Variants in ASTN2 observed in about 807,000 individuals in gnomAD.
ASTN2 encodes astrotactin 2, also known as astrotactin-2.
ASTN2 carries 54 observed loss-of-function variants against 139.8 expected under a neutral mutation model. That is an observed-to-expected ratio of 0.39 (90% confidence interval 0.31 to 0.48). The LOEUF (loss-of-function observed/expected upper bound fraction) is 0.48, where lower values mean the gene tolerates loss of function less well. Ranked by LOEUF, ASTN2 falls within the 20% of genes least tolerant of loss-of-function variation. The probability of loss-of-function intolerance (pLI) is 0.95; values close to 1 mark genes in which losing one functional copy is unlikely to be tolerated. For missense variants in ASTN2, 1,565 were observed against 1,725.1 expected (o/e 0.91, Z 1.64); for synonymous variants, 756 against 719.5 (o/e 1.05, Z -0.81).
rs556074225 is a variant in ASTN2 at position 116,874,851 on chromosome 9, T to A, written c.1890-11118A>T. 8.3e-4 allele frequency among the ~76,000 whole-genome samples: 126 copies of A among 152,328 alleles called. 1 individual carries two copies. Among genetic ancestry groups the A allele is most frequent in the South Asian group, 3.7e-3 (18 of 4,828 alleles). On this transcript the variant is annotated intron_variant, in intron 10 of 22. Transcript: ENST00000313400. ...TATCAGTGCCATTTTTCCAACAGAA[T>A]GTGCTCACTTCATGTCTATGCATCA... is the stretch of plus-strand genomic sequence containing the variant.
At chr9:116,697,490 G>GGTTT (rs1252747724) in intron 16 of ASTN2, 1 of 502,064 alleles carries the variant, frequency 2.0e-6, no homozygotes, top group Admixed American at 3.2e-5. Flanking sequence ...TGTTTTGTCT[G>GGTTT]GTTTGTTTCC....
At chr9:117,167,775 C>T (rs761910145) in intron 3 of ASTN2, among the ~76,000 whole-genome samples, 29 of 152,168 alleles carry the variant, frequency 1.9e-4, no homozygotes, top group Non-Finnish European at 3.2e-4. Flanking sequence ...TTCATGAATG[C>T]CATGCACTGC....
intron 11 of ASTN2, among the ~76,000 whole-genome samples, chr9:116,862,292 C>CT (rs537780924): frequency 6.6e-6 from 1 of 152,064 alleles, no homozygotes; most frequent in African/African-American, 2.4e-5. Flanking sequence ...CTTCTTCTTT[C>CT]TTTTTTCTTT....
At chr9:117,257,410 A>G (rs1004569482) in intron 2 of ASTN2, among the ~76,000 whole-genome samples, 2 of 152,202 alleles carry the variant, frequency 1.3e-5, no homozygotes, top group Non-Finnish European at 2.9e-5. Context: ...TTTTAGGTCA[A>G]TCTGGAGAGG....
intron 10 of ASTN2, among the ~76,000 whole-genome samples, chr9:116,870,135 AT>A (rs1260386448): frequency 3.7e-4 from 56 of 152,254 alleles, no homozygotes; most frequent in African/African-American, 1.3e-3. Context: ...CTCAAAAAAA[AT>A]AAAAAATAAA....
intron 17 of ASTN2, among the ~76,000 whole-genome samples, chr9:116,626,154 G>GT (rs751026997): frequency 0.052 from 1,775 of 34,464 alleles, 332 homozygotes; most frequent in Middle Eastern, 0.083. Flanking sequence ...TAGTTTTTGT[G>GT]TTTTTTTTTT....
Position 116,805,657 on chromosome 9 carries a change from C to T in ASTN2, c.2371G>A (p.Gly791Ser), listed in dbSNP as rs1166161787. The change falls in exon 13 of 23, where the codon GGC becomes AGC. Residue 791 changes from glycine to serine, a missense_variant. By Grantham distance (56) the Gly-to-Ser change is moderately conservative. Transcript: ENST00000313400. ...CTAAAGGTCATCTGGAAGACTTGGC[C>T]TTGGTTCACATGCTGGGTCCGGTTG... is the stretch of plus-strand genomic sequence containing the variant. ...YNNRTQHVNQ[G>S]QVFQMTFREN... 1 of 1,613,832 alleles carries T rather than the reference C, an allele frequency of 6.2e-7. No individual in the cohort carries two copies. The highest frequency in any genetic ancestry group is 1.7e-5 in the Admixed American group (1 of 60,010).
In ASTN2 at chr9:116,632,158, CAG is replaced by C. The variant is rs1203553131; in HGVS notation, c.3073-11717_3073-11716del. ...AGAGAGAGAGAGAGAGAGAGAGAGA[CAG>C]AGAGAGAGAGAGAGAGAGAGAGAGG... On this transcript the variant is annotated intron_variant, in intron 17 of 22. Coordinates refer to ENST00000313400, the MANE Select transcript of ASTN2 (RefSeq NM_001365068.1). 5.4e-3 allele frequency among the ~76,000 whole-genome samples: 204 copies of C among 38,038 alleles called. 2 individuals carry two copies. Among genetic ancestry groups the C allele is most frequent in the African/African-American group, 1.0e-2 (97 of 9,712 alleles). The allele number at this position is 38,038 out of a possible 152,430, so 25.0% of individuals were successfully genotyped here. A position where few individuals can be genotyped will look rare whatever the true frequency, so the allele number is the denominator to read the frequency against.
chr9:117,300,549 G>T (rs1032455536), intron 1 of ASTN2, among the ~76,000 whole-genome samples: 1 of 152,200 alleles, frequency 6.6e-6, no homozygotes, highest in African/African-American at 2.4e-5. Flanking sequence ...GGTACAGCTT[G>T]TTACAGGAAC....
At chr9:116,488,321 A>C (rs10983193) in intron 19 of ASTN2, among the ~76,000 whole-genome samples, 23,900 of 152,214 alleles carry the variant, frequency 0.16, 2,294 homozygotes, top group Middle Eastern at 0.24. Flanking sequence ...ATCTAGTCTT[A>C]GTTCTGTTGA....
chr9:117,176,367 G>A (rs1331072006), intron 3 of ASTN2, among the ~76,000 whole-genome samples: 3 of 152,122 alleles, frequency 2.0e-5, no homozygotes, highest in Non-Finnish European at 4.4e-5. Flanking sequence ...CAACCTTTGT[G>A]TAGTAAGAAA....
At chr9:116,600,343 A>G (rs1237540223) in intron 19 of ASTN2, among the ~76,000 whole-genome samples, 1 of 151,138 alleles carries the variant, frequency 6.6e-6, no homozygotes, top group Non-Finnish European at 1.5e-5. Flanking sequence ...AAAAAAAAAA[A>G]AAAAGAAAGA....
intron 20 of ASTN2, among the ~76,000 whole-genome samples, chr9:116,453,047 G>A (rs1848219952): frequency 6.6e-6 from 1 of 152,156 alleles, no homozygotes; most frequent in Non-Finnish European, 1.5e-5. Context: ...CATTAAGTTA[G>A]GGAACATTAT....
rs181242255 is a variant in ASTN2 at position 117,261,693 on chromosome 9, G to A, written c.630+29633C>T. Among the ~76,000 whole-genome samples the A allele has an allele frequency of 4.0e-4, 61 of 152,194 alleles. 1 individual carries two copies. The highest frequency in any genetic ancestry group is 1.5e-3 in the African/African-American group (61 of 41,528). ...TCCACCATCTGTAGCCCTAAACTGTGCATTTGACTGGAAATGTATCACTCA... is the reference window on the plus strand; with the variant it reads ...TCCACCATCTGTAGCCCTAAACTGTACATTTGACTGGAAATGTATCACTCA... On this transcript the variant is annotated intron_variant, in intron 2 of 22. Transcript: ENST00000313400.
intron 5 of ASTN2, among the ~76,000 whole-genome samples, chr9:117,068,020 C>T (rs1828003292): frequency 1.2e-5 from 1 of 85,928 alleles, no homozygotes; most frequent in Non-Finnish European, 2.3e-5. Context: ...GCCTAATTGC[C>T]CTGGCCAGAA....
At chr9:117,353,097 G>T (rs1244096128) in intron 1 of ASTN2, among the ~76,000 whole-genome samples, 2 of 152,090 alleles carry the variant, frequency 1.3e-5, no homozygotes, top group Admixed American at 1.3e-4. Context: ...TGGTGTTGAT[G>T]GTTGCACCAC....
intron 11 of ASTN2, among the ~76,000 whole-genome samples, chr9:116,860,614 G>A (rs892491173): frequency 1.3e-5 from 2 of 152,116 alleles, no homozygotes; most frequent in African/African-American, 2.4e-5. Context: ...ATTCTTCAAC[G>A]AGAACTCATC....
chr9:116,488,238 G>C (rs1311308487), intron 19 of ASTN2, among the ~76,000 whole-genome samples: 1 of 152,116 alleles, frequency 6.6e-6, no homozygotes, highest in Non-Finnish European at 1.5e-5. Context: ...AAGTTTACTA[G>C]AAACAGAACT....
chr9:117,047,280 A>C (rs1047452570), intron 5 of ASTN2, among the ~76,000 whole-genome samples: 26 of 152,066 alleles, frequency 1.7e-4, no homozygotes, highest in African/African-American at 6.3e-4. Context: ...GTTTCCATGC[A>C]CTGCTTTAGT....
Sources: gnomAD v4.1 joint callset for allele counts (sites outside exome capture counted in the v4.1 genomes callset) on GRCh38, gnomAD v4.1.1 for gene constraint, MANE v1.5 for transcripts, NCBI Gene and HGNC (gene_info 2026-07-23, HGNC 2026-07-21) for gene names.